The following PTPRT variants were observed in gnomAD, a reference collection of about 807,000 sequenced individuals.
The protein encoded by PTPRT is receptor-type tyrosine-protein phosphatase T.
PTPRT carries 56 observed loss-of-function variants against 176.8 expected under a neutral mutation model. The observed-to-expected ratio is 0.32, with a 90% CI of 0.26 to 0.40. PTPRT has a LOEUF of 0.40. Among genes scored for constraint, PTPRT ranks in the 10% least tolerant of loss-of-function variants. The pLI, the probability that PTPRT is intolerant of heterozygous loss-of-function variation, is 1.00. For missense variants in PTPRT, 1,540 were observed against 1,908.2 expected (o/e 0.81, Z 3.60); for synonymous variants, 783 against 739.0 (o/e 1.06, Z -0.96).
intron 2 of PTPRT, among the ~76,000 whole-genome samples, chr20:42,795,148 A>G (rs1442550965): frequency 1.3e-5 from 2 of 151,474 alleles, no homozygotes; most frequent in African/African-American, 4.8e-5. Context: ...AACAAGAAAG[A>G]GAAAGACTGT....
At chr20:43,115,405 T>C (rs1242082553) in intron 1 of PTPRT, among the ~76,000 whole-genome samples, 5 of 152,196 alleles carry the variant, frequency 3.3e-5, no homozygotes, top group African/African-American at 1.2e-4. Flanking sequence ...AGAAACGTTC[T>C]CTGGGAGTTC....
intron 10 of PTPRT, 42 bp downstream of exon 10, chr20:42,352,042 G>C (rs2145521319): frequency 6.3e-7 from 1 of 1,583,960 alleles, no homozygotes; most frequent in African/African-American, 1.3e-5. Flanking sequence ...GGAAGTGGGG[G>C]TGAAACAACC....
chr20:42,690,359 T>G (rs73266099), intron 6 of PTPRT, among the ~76,000 whole-genome samples: 2,901 of 152,188 alleles, frequency 0.019, 101 homozygotes, highest in African/African-American at 0.068. Context: ...ATAAGGAAGT[T>G]GTGTCAATTA....
At chr20:42,059,050 C>T in the PTPRT span, among the ~76,000 whole-genome samples, 14 of 152,232 alleles carry the variant, frequency 9.2e-5, no homozygotes, top group African/African-American at 3.4e-4. Flanking sequence ...TCTGAATTTG[C>T]CAAAAGCTTT....
At chr20:42,764,290 C>A in intron 5 of PTPRT, among the ~76,000 whole-genome samples, 1 of 151,974 alleles carries the variant, frequency 6.6e-6, no homozygotes. Context: ...CAAGTGTAGA[C>A]GTCCCATTTA....
At chr20:42,969,725 A>G (rs578227241) in intron 1 of PTPRT, 1 of 152,306 alleles carries the variant, frequency 6.6e-6, no homozygotes, top group Non-Finnish European at 1.5e-5. Flanking sequence ...ATTGACTAAT[A>G]GTTTTTTCTA....
At chr20:42,432,963 A>C (rs1334794613) in intron 9 of PTPRT, among the ~76,000 whole-genome samples, 3 of 152,196 alleles carry the variant, frequency 2.0e-5, no homozygotes, top group Non-Finnish European at 4.4e-5. Context: ...ATGATCACTC[A>C]TACTGGCTCA....
intron 9 of PTPRT, among the ~76,000 whole-genome samples, chr20:42,446,580 ATGTGTGTGTGTGTGTG>A (rs372328206): frequency 5.0e-5 from 7 of 139,566 alleles, no homozygotes; most frequent in East Asian, 4.3e-4. Context: ...TTTCATGTAA[ATGTGTGTGTGTGTGTG>A]TGTGTGTGTG....
At chr20:42,676,255 A>G (rs1433427500) in intron 7 of PTPRT, among the ~76,000 whole-genome samples, 1 of 152,188 alleles carries the variant, frequency 6.6e-6, no homozygotes, top group Non-Finnish European at 1.5e-5. Context: ...TGTGTCACTA[A>G]GGAAGTATGA....
chr20:42,482,313 T>C (rs887754472), intron 7 of PTPRT, among the ~76,000 whole-genome samples: 5 of 152,110 alleles, frequency 3.3e-5, no homozygotes, highest in African/African-American at 1.2e-4. Context: ...TCACCACACA[T>C]GCACACCCCA....
chr20:42,727,440 G>A (rs765807598), intron 6 of PTPRT, among the ~76,000 whole-genome samples: 3 of 152,128 alleles, frequency 2.0e-5, no homozygotes, highest in Non-Finnish European at 2.9e-5. Context: ...CCAGGTGTTC[G>A]ATAAGGTTTG....
intron 1 of PTPRT, among the ~76,000 whole-genome samples, chr20:42,930,390 T>G (rs1467763719): frequency 6.6e-6 from 1 of 152,212 alleles, no homozygotes; most frequent in African/African-American, 2.4e-5. Context: ...TAAGAGCACT[T>G]GCAATGTGAT....
chr20:42,795,040 C>T (rs1036898456), intron 2 of PTPRT, among the ~76,000 whole-genome samples: 2 of 152,036 alleles, frequency 1.3e-5, no homozygotes, highest in Admixed American at 6.5e-5. Context: ...CTGTGGGGCC[C>T]GCTTTGATCA....
chr20:42,111,728 T>G (rs984961474), intron 22 of PTPRT, among the ~76,000 whole-genome samples: 1 of 152,222 alleles, frequency 6.6e-6, no homozygotes, highest in Admixed American at 6.5e-5. Flanking sequence ...TAAACAAGGT[T>G]AAGTGACACA....
At chr20:42,376,322 C>T (rs1282501927) in intron 9 of PTPRT, among the ~76,000 whole-genome samples, 1 of 152,200 alleles carries the variant, frequency 6.6e-6, no homozygotes, top group African/African-American at 2.4e-5. Context: ...TCACCACACT[C>T]TCAAGAGTCT....
rs558430213 is a variant in PTPRT, at chr20:42,080,442, C to T, written c.*437G>A. The T allele has an allele frequency of 4.2e-6, 1 of 237,232 alleles. No homozygotes were observed. Among genetic ancestry groups the T allele is most frequent in the South Asian group, 1.7e-4 (1 of 6,022 alleles). 14.7% of individuals were successfully genotyped at this position (237,232 alleles called of 1,614,324 possible). On this transcript the variant is annotated 3_prime_UTR_variant, in exon 31 of 31. Transcript: ENST00000373187. ...GCAGAGCAGTGACCCCCAAGAGCCT[C>T]AATCTTTTCCATGACGTAGAGGAGC...
chr20:42,625,436 GT>G (rs376567454), intron 7 of PTPRT, among the ~76,000 whole-genome samples: 122 of 148,344 alleles, frequency 8.2e-4, no homozygotes, highest in East Asian at 4.9e-3. Flanking sequence ...ACCTTTTCTA[GT>G]TTTTTTTTTT....
At chr20:42,230,375 A>T (rs1460059826) in intron 15 of PTPRT, among the ~76,000 whole-genome samples, 1 of 152,234 alleles carries the variant, frequency 6.6e-6, no homozygotes, top group South Asian at 2.1e-4. Flanking sequence ...GAACTACTAC[A>T]GTAAAATACC....
chr20:42,478,714 T>C (rs1389155945), intron 7 of PTPRT, among the ~76,000 whole-genome samples: 9 of 152,060 alleles, frequency 5.9e-5, no homozygotes, highest in African/African-American at 1.9e-4. Context: ...CCCTTGCCCA[T>C]AATTAATGCC....
Sources: allele counts gnomAD v4.1 joint callset (sites outside exome capture counted in the v4.1 genomes callset), GRCh38; gene constraint gnomAD v4.1.1; transcripts MANE v1.5; gene names NCBI Gene and HGNC (gene_info 2026-07-23, HGNC 2026-07-21).